The following TMED3 variants were observed in gnomAD, a reference collection of about 807,000 sequenced individuals.
The protein encoded by TMED3 is transmembrane emp24 domain-containing protein 3.
A neutral mutation model predicts 15.0 loss-of-function variants in TMED3; 9 were observed. The observed-to-expected ratio is 0.60, with a 90% CI of 0.36 to 1.04. The LOEUF is 1.04. TMED3 is among the 50% of genes least tolerant of loss of function. The pLI, the probability that TMED3 is intolerant of heterozygous loss-of-function variation, is 0.01. For synonymous variants in TMED3, 117 were observed against 121.4 expected, an observed-to-expected ratio of 0.96 and a Z score of 0.24; for missense variants, 267 against 278.9, an observed-to-expected ratio of 0.96 and a Z score of 0.30.
At chr15:79,337,655 C>T (rs1447555254) in intron 2 of TMED3, among the ~76,000 whole-genome samples, 2 of 152,288 alleles carry the variant, frequency 1.3e-5, no homozygotes, top group Non-Finnish European at 2.9e-5. Flanking sequence ...TATAAGATAT[C>T]GATCACACAC....
chr15:79,313,783 T>C lies in TMED3; in HGVS notation c.195T>C (p.Val65=). The C allele has an allele frequency of 6.2e-7, 1 of 1,614,190 alleles. No individual in the cohort carries two copies. The highest frequency in any genetic ancestry group is 8.5e-7 in the Non-Finnish European group (1 of 1,180,020). Residue 65 remains valine, a synonymous_variant, in exon 2 of 3, where the codon GTT becomes GTC. Transcript: ENST00000299705. ...YQVITGGHYD[V]DCYVEDPQGN... is the part of the protein sequence containing the mutation. Reference sequence around the variant, plus strand: ...TCATCACTGGAGGCCACTACGATGTTGACTGCTATGTAGAGGACCCCCAGG... The same window carrying C: ...TCATCACTGGAGGCCACTACGATGTCGACTGCTATGTAGAGGACCCCCAGG...
At chr15:79,408,586 C>T (rs949771183) in intron 2 of TMED3, among the ~76,000 whole-genome samples, 4 of 152,144 alleles carry the variant, frequency 2.6e-5, no homozygotes, top group African/African-American at 9.7e-5. Flanking sequence ...AATTGAGCCA[C>T]GGAGACAGAG....
exon 3 of TMED3, chr15:79,413,287 C>T (rs569183330): frequency 6.6e-6 from 1 of 152,370 alleles, no homozygotes; most frequent in African/African-American, 2.4e-5. Flanking sequence ...TGGACCCAAG[C>T]TCCCTTCAAA....
chr15:79,349,646 A>G (rs990027926), intron 2 of TMED3, among the ~76,000 whole-genome samples: 4 of 152,212 alleles, frequency 2.6e-5, no homozygotes, highest in Admixed American at 6.5e-5. Flanking sequence ...ACAAAAGGAC[A>G]TGCATGTATC....
intron 2 of TMED3, among the ~76,000 whole-genome samples, chr15:79,390,890 T>G (rs975478429): frequency 5.9e-5 from 9 of 152,178 alleles, no homozygotes; most frequent in Admixed American, 2.0e-4. Context: ...ATAGTAGCCT[T>G]GAACCATCTT....
At chr15:79,387,642 A>G (rs1893643672) in intron 2 of TMED3, among the ~76,000 whole-genome samples, 1 of 151,866 alleles carries the variant, frequency 6.6e-6, no homozygotes, top group Non-Finnish European at 1.5e-5. Context: ...AAGTATTATA[A>G]CCCTGTTCAG....
In TMED3 at chr15:79,322,150, A is replaced by G. The variant is rs756217560; in HGVS notation, c.590A>G (p.Gln197Arg). 3.1e-6 allele frequency: 5 copies of G among 1,612,356 alleles called. No homozygotes were observed. In the East Asian group the frequency reaches 6.7e-5, roughly 22 times the overall value. Residue 197 changes from glutamine (Q) to arginine (R), a missense_variant, in exon 3 of 3, where the codon CAG (glutamine) becomes CGG (arginine). Physicochemically the swap from Gln to Arg is conservative, Grantham distance 43. Around this residue, in one of 3 missense-constraint regions of TMED3, gnomAD observed 139 missense variants for 125.0 expected, o/e 1.11. Transcript: ENST00000299705. ...GCCCTGTTCGTGGTCAGCTTCAGTC[A>G]GGTGCTACTGTTGAAAAGCTTCTTC... is the stretch of plus-strand genomic sequence containing the variant. ...TIALFVVSFS[Q>R]VLLLKSFFTE...
At chr15:79,373,646 G>A (rs1893378974) in intron 2 of TMED3, among the ~76,000 whole-genome samples, 1 of 152,138 alleles carries the variant, frequency 6.6e-6, no homozygotes, top group Non-Finnish European at 1.5e-5. Flanking sequence ...CTATTTGAAG[G>A]GATTTATTCT....
chr15:79,322,200 G>T lies in TMED3; in HGVS notation c.640G>T (p.Ala214Ser). The change falls in exon 3 of 3, where the codon GCA (alanine) becomes TCA (serine). Residue 214 changes from alanine to serine, a missense_variant. Ala to Ser is a moderately conservative substitution (Grantham distance 99, BLOSUM62 1). This residue lies in a region of TMED3 where 139 missense variants were observed against 125.0 expected (regional missense o/e 1.11). Transcript: ENST00000299705. The part of the protein sequence containing the change: ...FFTEKRPISR[A>S]VHS ...CACAGAAAAACGACCCATCAGCAGG[G>T]CAGTCCACTCCTAGCCCCGGCATCC... is the stretch of plus-strand genomic sequence containing the variant. 1 of 1,613,678 alleles carries T rather than the reference G, an allele frequency of 6.2e-7. No individual in the cohort carries two copies. The highest frequency in any genetic ancestry group is 8.5e-7 in the Non-Finnish European group (1 of 1,179,780).
chr15:79,347,791 A>G (rs2058876317), intron 2 of TMED3, among the ~76,000 whole-genome samples: 3 of 152,214 alleles, frequency 2.0e-5, no homozygotes, highest in Admixed American at 2.0e-4. Context: ...CAGTTGCCAC[A>G]AAAAGAATAA....
chr15:79,398,946 T>G (rs1019429419), intron 2 of TMED3, among the ~76,000 whole-genome samples: 2 of 152,242 alleles, frequency 1.3e-5, no homozygotes, highest in African/African-American at 4.8e-5. Flanking sequence ...AGTCTTGCTC[T>G]GTTGCCCAGG....
intron 2 of TMED3, among the ~76,000 whole-genome samples, chr15:79,343,728 C>T (rs902918207): frequency 6.6e-6 from 1 of 152,090 alleles, no homozygotes; most frequent in Non-Finnish European, 1.5e-5. Context: ...GGATGTGGGA[C>T]AGGCTCTTGG....
In TMED3 at chr15:79,355,415, G is replaced by A. The variant is rs199910104; in HGVS notation, c.417+41410G>A. Among the ~76,000 whole-genome samples the A allele has an allele frequency of 4.6e-5, 7 of 151,998 alleles. No individual in the cohort carries two copies. In the East Asian group the frequency reaches 1.3e-3, roughly 29 times the overall value. ...AGGTGGCTGGGCTGATTGGAGGGAA[G>A]GAACTGTATGTGAAAGAAAGCCACA... On this transcript the variant is annotated intron_variant, in intron 2 of 2. Transcript: ENST00000424155.
intron 2 of TMED3, among the ~76,000 whole-genome samples, chr15:79,344,113 C>A (rs1450844630): frequency 6.6e-6 from 1 of 152,076 alleles, no homozygotes; most frequent in Non-Finnish European, 1.5e-5. Context: ...GGGCCTCCAA[C>A]TTATAGAAGT....
At chr15:79,341,218 A>AAAAAG (rs1555422370) in intron 2 of TMED3, among the ~76,000 whole-genome samples, 1 of 68,698 alleles carries the variant, frequency 1.5e-5, no homozygotes, top group Non-Finnish European at 2.6e-5. Context: ...AAAAAAAAAA[A>AAAAAG]GGTGAAGAAA....
downstream of TMED3, among the ~76,000 whole-genome samples, chr15:79,323,149 A>G (rs1029026885): frequency 2.6e-5 from 4 of 152,188 alleles, no homozygotes; most frequent in Admixed American, 2.6e-4. Flanking sequence ...CCAAAGGCAC[A>G]TTATCAGTGA....
chr15:79,370,352 C>A (rs1893316263), intron 2 of TMED3, among the ~76,000 whole-genome samples: 1 of 145,646 alleles, frequency 6.9e-6, no homozygotes, highest in Non-Finnish European at 1.5e-5. Context: ...CCCCTGATGA[C>A]TGTAGGTCCA....
chr15:79,378,159 G>A (rs553187126), intron 2 of TMED3, among the ~76,000 whole-genome samples: 1 of 152,154 alleles, frequency 6.6e-6, no homozygotes, highest in Non-Finnish European at 1.5e-5. Flanking sequence ...AAGGCTCTAA[G>A]TGTTAAAAAT....
intron 2 of TMED3, among the ~76,000 whole-genome samples, chr15:79,340,137 C>T (rs1472631560): frequency 6.6e-6 from 1 of 152,176 alleles, no homozygotes; most frequent in African/African-American, 2.4e-5. Context: ...TTAGCTTTTA[C>T]TAGAAATACT....
Sources: gnomAD v4.1 joint callset for allele counts (sites outside exome capture counted in the v4.1 genomes callset) on GRCh38, gnomAD v4.1.1 for gene constraint, gnomAD v4.1.1 regional missense constraint, MANE v1.5 for transcripts, NCBI Gene and HGNC (gene_info 2026-07-23, HGNC 2026-07-21) for gene names.